RPS6KB1: variants seen among roughly 807,000 people sequenced by gnomAD.
RPS6KB1 encodes the protein ribosomal protein S6 kinase B1, also known as ribosomal protein S6 kinase beta-1.
A neutral mutation model predicts 70.2 loss-of-function variants in RPS6KB1; 12 were observed. The ratio of observed to expected loss-of-function variants is 0.17; its 90% CI spans 0.11 to 0.28. The LOEUF is 0.28. Ranked by LOEUF, RPS6KB1 falls within the 10% of genes least tolerant of loss-of-function variation. The pLI is 1.00. For synonymous variants in RPS6KB1, 175 were observed against 211.2 expected (o/e 0.83, Z 1.49); for missense variants, 270 against 646.6 (o/e 0.42, Z 6.32).
Position 59,947,033 on chromosome 17 carries a change from C to G in RPS6KB1, c.*245C>G, listed in dbSNP as rs2044969659. The G allele has an allele frequency of 2.3e-6, 3 of 1,324,608 alleles. No homozygotes were observed. The allele number at this position is 1,324,608 out of a possible 1,614,324, so 82.1% of individuals were successfully genotyped here. On this transcript the variant is annotated 3_prime_UTR_variant, in exon 15 of 15. Coordinates refer to ENST00000225577, the MANE Select transcript of RPS6KB1 (RefSeq NM_003161.4). The stretch of plus-strand genomic sequence containing the variant: ...TCAATTAATTGATTCCTCGCGACAT[C>G]TTCTCAACCTTATCAAGGATTTTCA...
chr17:59,899,080 T>G (rs1376261462), intron 1 of RPS6KB1, among the ~76,000 whole-genome samples: 1 of 151,754 alleles, frequency 6.6e-6, no homozygotes, highest in Non-Finnish European at 1.5e-5. Flanking sequence ...GTCAGGCACC[T>G]GTAATCCCAG....
At chr17:59,931,135 C>T (rs1198829790) in intron 6 of RPS6KB1, 1 of 160,060 alleles carries the variant, frequency 6.2e-6, no homozygotes, top group African/African-American at 2.4e-5. Context: ...CCTCAGCTGT[C>T]TATAAATATG....
intron 4 of RPS6KB1, among the ~76,000 whole-genome samples, chr17:59,923,694 G>A (rs2043415516): frequency 6.6e-6 from 1 of 151,646 alleles, no homozygotes; most frequent in South Asian, 2.1e-4. Context: ...ATTTTTAGTA[G>A]AGACGGGGTT....
Position 59,947,933 on chromosome 17 carries a change from A to G in RPS6KB1, c.*1145A>G. The G allele has an allele frequency of 3.6e-6, 1 of 279,350 alleles. No individual in the cohort carries two copies. The highest frequency in any genetic ancestry group is 6.6e-6 in the Non-Finnish European group (1 of 150,670). 17.3% of individuals were successfully genotyped at this position (279,350 alleles called of 1,614,324 possible). On this transcript the variant is annotated 3_prime_UTR_variant, in exon 15 of 15. Coordinates refer to ENST00000225577, the MANE Select transcript of RPS6KB1 (RefSeq NM_003161.4). ...ACTGTTTCTGCTGTCTACCTTCCTT[A>G]TATTTTTTTCCTCAACAGTTTTAAA...
intron 3 of RPS6KB1, among the ~76,000 whole-genome samples, chr17:59,914,283 G>A (rs2042814597): frequency 6.6e-6 from 1 of 151,580 alleles, no homozygotes; most frequent in African/African-American, 2.4e-5. Context: ...TGTGAAGCAA[G>A]GGCAGTGGCA....
chr17:59,922,551 CTTTTTTTTTTT>C (rs71145590), intron 4 of RPS6KB1, among the ~76,000 whole-genome samples: 3 of 80,386 alleles, frequency 3.7e-5, no homozygotes, highest in African/African-American at 5.8e-5. Context: ...TTTTATACTC[CTTTTTTTTTTT>C]TTTTTTTTTT....
intron 1 of RPS6KB1, among the ~76,000 whole-genome samples, chr17:59,900,232 C>CA (rs1568377896): frequency 1.1e-4 from 12 of 104,824 alleles, no homozygotes; most frequent in African/African-American, 3.1e-4. Flanking sequence ...ACACACACAC[C>CA]CCTATGTGTT....
rs76223774 is a variant in RPS6KB1, at chr17:59,916,419, C to T, written c.381+1716C>T. Among the ~76,000 whole-genome samples, 1,366 of 152,260 alleles carry T rather than the reference C, an allele frequency of 9.0e-3. 22 individuals are homozygous for T. Among genetic ancestry groups the T allele is most frequent in the African/African-American group, 0.031 (1,286 of 41,554 alleles). ...CTGGCAGTATTAACTTTCTTTTATGCGAGTTAAGGATTTGTTTCTTGTTTA... is the reference window on the plus strand; with the variant it reads ...CTGGCAGTATTAACTTTCTTTTATGTGAGTTAAGGATTTGTTTCTTGTTTA... On this transcript the variant is annotated intron_variant, in intron 4 of 14. Transcript: ENST00000225577.
chr17:59,893,920 C>T lies in RPS6KB1; in HGVS notation c.141+595C>T, dbSNP rs2041322382. On this transcript the variant is annotated intron_variant, in intron 1 of 14. Coordinates refer to ENST00000225577, the MANE Select transcript of RPS6KB1 (RefSeq NM_003161.4). The surrounding 1 kb of genome is among the most constrained non-coding windows in gnomAD (Gnocchi z 4.1). ...GGGCTCTGCTGCATCTTCCAATCTT[C>T]CAGGGTTTGTTTGTTTGCTTTTTTT... 2.0e-6 allele frequency: 2 copies of T among 982,380 alleles called. No homozygotes were observed. Among genetic ancestry groups the T allele is most frequent in the Non-Finnish European group, 2.4e-6 (2 of 829,366 alleles). 60.9% of individuals were successfully genotyped at this position (982,380 alleles called of 1,614,324 possible). A position where few individuals can be genotyped will look rare whatever the true frequency, so the allele number is the denominator to read the frequency against.
At chr17:59,941,371 G>A (rs2044572099) in intron 13 of RPS6KB1, among the ~76,000 whole-genome samples, 1 of 150,888 alleles carries the variant, frequency 6.6e-6, no homozygotes, top group East Asian at 1.9e-4. Context: ...CCTAGGCTGG[G>A]TGTAGTGTAG....
At chr17:59,909,737 G>C (rs757215413) in intron 1 of RPS6KB1, among the ~76,000 whole-genome samples, 4 of 151,962 alleles carry the variant, frequency 2.6e-5, no homozygotes, top group Non-Finnish European at 4.4e-5. Flanking sequence ...ATTAGGGCCG[G>C]GAGTGTTGAC....
At chr17:59,937,045 A>G in intron 12 of RPS6KB1, among the ~76,000 whole-genome samples, 1 of 152,096 alleles carries the variant, frequency 6.6e-6, no homozygotes, top group Admixed American at 6.6e-5. Context: ...TATTTTTTAT[A>G]GAAATAGGGT....
In RPS6KB1 at chr17:59,901,988, C is replaced by T. The variant is rs374531078; in HGVS notation, c.142-8574C>T. On this transcript the variant is annotated intron_variant, in intron 1 of 14. Coordinates refer to ENST00000225577, the MANE Select transcript of RPS6KB1 (RefSeq NM_003161.4). ...GATCCTGCCACTGCACTTCAACCTG[C>T]GCAACAGAATGAGAACCTGTCTCTA... is the stretch of plus-strand genomic sequence containing the variant. Among the ~76,000 whole-genome samples the T allele has an allele frequency of 8.4e-4, 115 of 136,686 alleles. 4 individuals carry two copies. The East Asian group carries it at 0.017, about 21-fold the overall frequency. The allele number at this position is 136,686 out of a possible 152,430, so 89.7% of individuals were successfully genotyped here. A position where few individuals can be genotyped will look rare whatever the true frequency, so the allele number is the denominator to read the frequency against.
At chr17:59,939,970 A>G (rs1568497984) in intron 12 of RPS6KB1, among the ~76,000 whole-genome samples, 1 of 152,256 alleles carries the variant, frequency 6.6e-6, no homozygotes, top group African/African-American at 2.4e-5. Flanking sequence ...AGTGATAACT[A>G]TACTTTCACA....
At chr17:59,945,651 T>C (rs2044878565) in intron 14 of RPS6KB1, 133 bp downstream of exon 14, 1 of 608,262 alleles carries the variant, frequency 1.6e-6, no homozygotes, top group Non-Finnish European at 3.0e-6. Flanking sequence ...GCACAGCATC[T>C]ATATCTTACA....
In RPS6KB1 at chr17:59,893,706, A is replaced by AG; in HGVS notation, c.141+384dup. The AG allele has an allele frequency of 1.1e-6, 1 of 886,688 alleles. No individual in the cohort carries two copies. Among genetic ancestry groups the AG allele is most frequent in the Non-Finnish European group, 1.4e-6 (1 of 729,400 alleles). The allele number at this position is 886,688 out of a possible 1,614,324, so 54.9% of individuals were successfully genotyped here. On this transcript the variant is annotated intron_variant, in intron 1 of 14. Transcript: ENST00000225577. This position sits in a 1 kb window ranked among gnomAD's most constrained non-coding sequence, Gnocchi z 4.1. ...TCCCGTAAGTGCAGGCGAAGTGTGG[A>AG]GGGTTTCCCTTCGAGTCTAGAATTT...
At chr17:59,927,441 C>G (rs1003509397) in intron 5 of RPS6KB1, among the ~76,000 whole-genome samples, 1 of 151,878 alleles carries the variant, frequency 6.6e-6, no homozygotes, top group African/African-American at 2.4e-5. Context: ...TTTGCAGTAA[C>G]GTGTAACATG....
rs2044954970 is a variant in RPS6KB1 at position 59,946,837 on chromosome 17, A to G, written c.*49A>G. On this transcript the variant is annotated 3_prime_UTR_variant, in exon 15 of 15. Coordinates refer to ENST00000225577, the MANE Select transcript of RPS6KB1 (RefSeq NM_003161.4). This position sits in a 1 kb window ranked among gnomAD's most constrained non-coding sequence, Gnocchi z 4.2. The stretch of plus-strand genomic sequence containing the variant: ...TAAGGCAAAAAAGGTGGAGAGGGAG[A>G]TGTGTGAGCATCCTGCAAGGTGAAA... 1 of 1,604,124 alleles carries G rather than the reference A, an allele frequency of 6.2e-7. No individual in the cohort carries two copies. Among genetic ancestry groups the G allele is most frequent in the Admixed American group, 1.7e-5 (1 of 59,234 alleles).
chr17:59,925,206 G>A lies in RPS6KB1; in HGVS notation c.382-1229G>A, dbSNP rs73318967. ...TTTTGGGCCAATATCCTATGTCTGAGCATTTAGGCTGTTTCTAGTGTTCCA... is the reference window on the plus strand; with the variant it reads ...TTTTGGGCCAATATCCTATGTCTGAACATTTAGGCTGTTTCTAGTGTTCCA... On this transcript the variant is annotated intron_variant, in intron 4 of 14. Transcript: ENST00000225577. Among the ~76,000 whole-genome samples, 1,278 of 152,188 alleles carry A rather than the reference G, an allele frequency of 8.4e-3. 20 individuals are homozygous for A. Among genetic ancestry groups the A allele is most frequent in the African/African-American group, 0.029 (1,194 of 41,502 alleles).
Sources: allele counts gnomAD v4.1 joint callset (sites outside exome capture counted in the v4.1 genomes callset), GRCh38; gene constraint gnomAD v4.1.1; non-coding constraint Gnocchi (gnomAD v3.1); transcripts MANE v1.5; gene names NCBI Gene and HGNC (gene_info 2026-07-23, HGNC 2026-07-21).